Variants in CSMD3 observed in about 807,000 individuals in gnomAD.
CSMD3 encodes the protein CUB and sushi domain-containing protein 3.
A neutral mutation model predicts 435.2 loss-of-function variants in CSMD3; 177 were observed. The observed-to-expected ratio is 0.41, with a 90% CI of 0.36 to 0.46. The LOEUF is 0.46. Among genes scored for constraint, CSMD3 ranks in the 20% least tolerant of loss-of-function variants. CSMD3 has a pLI of 0.34. For missense variants in CSMD3, 4,265 were observed against 4,504.6 expected, an observed-to-expected ratio of 0.95 and a Z score of 1.52; for synonymous variants, 1,656 against 1,520.5, an observed-to-expected ratio of 1.09 and a Z score of -2.07.
chr8:113,085,707 T>C (rs530463319), intron 5 of CSMD3, among the ~76,000 whole-genome samples: 105 of 152,294 alleles, frequency 6.9e-4, no homozygotes, highest in Middle Eastern at 3.4e-3. Context: ...TTCTCACTTA[T>C]ATGTGGGAGC....
In CSMD3 at chr8:112,360,829, T is replaced by C. The variant is rs186279358; in HGVS notation, c.6137-8295A>G. Among the ~76,000 whole-genome samples, 7 of 152,048 alleles carry C rather than the reference T, an allele frequency of 4.6e-5. No homozygotes were observed. The East Asian group carries it at 1.2e-3, about 25-fold the overall frequency. ...TGTGTTAGGGAAGAAAATAATGATA[T>C]AATCAGATAAGTCATATGCTGATGG... is the stretch of plus-strand genomic sequence containing the variant. On this transcript the variant is annotated intron_variant, in intron 38 of 70. Coordinates refer to ENST00000297405, the MANE Select transcript of CSMD3 (RefSeq NM_198123.2).
chr8:113,058,504 T>C (rs1391287812), intron 5 of CSMD3, among the ~76,000 whole-genome samples: 1 of 151,928 alleles, frequency 6.6e-6, no homozygotes, highest in Non-Finnish European at 1.5e-5. Context: ...ATACAGCCCT[T>C]AAGTTTAGTT....
intron 11 of CSMD3, among the ~76,000 whole-genome samples, chr8:112,842,281 T>A (rs1476419314): frequency 6.6e-6 from 1 of 151,822 alleles, no homozygotes; most frequent in Non-Finnish European, 1.5e-5. Context: ...TGCCAGTTTC[T>A]TCTTCAAGCT....
intron 50 of CSMD3, among the ~76,000 whole-genome samples, chr8:112,307,777 C>T (rs1821587569): frequency 6.6e-6 from 1 of 152,134 alleles, no homozygotes; most frequent in Admixed American, 6.6e-5. Flanking sequence ...TTACACGTTT[C>T]ATACAAAGAA....
chr8:112,530,811 G>C (rs1825453521), intron 27 of CSMD3, among the ~76,000 whole-genome samples: 1 of 152,180 alleles, frequency 6.6e-6, no homozygotes, highest in Admixed American at 6.5e-5. Context: ...TACCCACAGA[G>C]GGAATACTTA....
At chr8:113,136,404 A>G (rs2091419746) in intron 4 of CSMD3, among the ~76,000 whole-genome samples, 1 of 151,454 alleles carries the variant, frequency 6.6e-6, no homozygotes, top group Non-Finnish European at 1.5e-5. Flanking sequence ...AGGCAGTAGA[A>G]CTATACAGAA....
At chr8:112,685,852 T>C in intron 14 of CSMD3, 120 bp from the exon 15 acceptor site, 1 of 717,544 alleles carries the variant, frequency 1.4e-6, no homozygotes, top group East Asian at 2.7e-5. Flanking sequence ...TTAAATTATG[T>C]AAATTATAAA....
chr8:113,101,296 T>C (rs1482975571), intron 4 of CSMD3, among the ~76,000 whole-genome samples: 2 of 152,098 alleles, frequency 1.3e-5, no homozygotes, highest in Admixed American at 6.6e-5. Context: ...GATTGGCCTC[T>C]TGGACAGCAT....
chr8:113,094,681 G>A (rs1411752312), intron 5 of CSMD3, among the ~76,000 whole-genome samples: 2 of 152,144 alleles, frequency 1.3e-5, no homozygotes, highest in Admixed American at 1.3e-4. Flanking sequence ...AGAGAATAAT[G>A]TAGATGATTC....
At chr8:113,365,972 T>G (rs941130782) in intron 1 of CSMD3, among the ~76,000 whole-genome samples, 7 of 152,018 alleles carry the variant, frequency 4.6e-5, no homozygotes, top group African/African-American at 1.7e-4. Context: ...TCCAGTTTAA[T>G]CAATACATTT....
intron 2 of CSMD3, among the ~76,000 whole-genome samples, chr8:113,308,706 C>T (rs1412731162): frequency 6.6e-6 from 1 of 152,078 alleles, no homozygotes; most frequent in African/African-American, 2.4e-5. Context: ...GATGTGATAG[C>T]TTATACTTCC....
chr8:112,242,911 G>A (rs1283876894), intron 65 of CSMD3, among the ~76,000 whole-genome samples: 2 of 152,044 alleles, frequency 1.3e-5, no homozygotes, highest in East Asian at 3.9e-4. Context: ...AATACGAGAT[G>A]AAAACAAGAG....
chr8:112,614,831 G>A (rs185385380), intron 22 of CSMD3, among the ~76,000 whole-genome samples: 170 of 152,132 alleles, frequency 1.1e-3, no homozygotes, highest in South Asian at 2.3e-3. Flanking sequence ...TTAAAAAGTA[G>A]TTTAGTACAT....
chr8:112,981,581 A>C (rs2085055140), intron 6 of CSMD3, among the ~76,000 whole-genome samples: 1 of 151,692 alleles, frequency 6.6e-6, no homozygotes, highest in Non-Finnish European at 1.5e-5. Flanking sequence ...GAATGAATAA[A>C]TAAATAATAT....
chr8:112,321,983 C>T (rs1045074596), intron 45 of CSMD3, among the ~76,000 whole-genome samples: 2 of 151,900 alleles, frequency 1.3e-5, no homozygotes, highest in Admixed American at 1.3e-4. Flanking sequence ...GTAAGAAATG[C>T]CTAAAATGTA....
At chr8:112,719,850 C>G (rs886875271) in intron 13 of CSMD3, among the ~76,000 whole-genome samples, 1 of 152,084 alleles carries the variant, frequency 6.6e-6, no homozygotes, top group Non-Finnish European at 1.5e-5. Flanking sequence ...TATCTTTCAG[C>G]ACTAAAAAAT....
At chr8:113,341,670 C>T (rs2094119745) in intron 1 of CSMD3, among the ~76,000 whole-genome samples, 2 of 152,014 alleles carry the variant, frequency 1.3e-5, no homozygotes, top group African/African-American at 4.8e-5. Flanking sequence ...AAATTTGATT[C>T]CCGAAGGAGT....
intron 1 of CSMD3, among the ~76,000 whole-genome samples, chr8:113,418,212 A>G (rs753745928): frequency 9.9e-5 from 15 of 152,160 alleles, no homozygotes; most frequent in Non-Finnish European, 1.5e-4. Flanking sequence ...TATAATTCAT[A>G]TACAAATGAA....
intron 24 of CSMD3, among the ~76,000 whole-genome samples, chr8:112,568,459 G>C (rs1228988327): frequency 6.6e-6 from 1 of 151,850 alleles, no homozygotes; most frequent in East Asian, 1.9e-4. Flanking sequence ...GCCAGGCATG[G>C]TGGTGGGCGC....
Sources: gnomAD v4.1 joint callset for allele counts (sites outside exome capture counted in the v4.1 genomes callset) on GRCh38, gnomAD v4.1.1 for gene constraint, MANE v1.5 for transcripts, NCBI Gene and HGNC (gene_info 2026-07-23, HGNC 2026-07-21) for gene names.